The following CYTIP variants were observed in gnomAD, a reference collection of about 807,000 sequenced individuals.
The protein encoded by CYTIP is cytohesin 1 interacting protein.
Under a neutral mutation model 43.8 loss-of-function variants are expected in CYTIP, and 26 were observed. The observed-to-expected ratio is 0.59, with a 90% CI of 0.44 to 0.82. The LOEUF (loss-of-function observed/expected upper bound fraction) is 0.82. Among genes scored for constraint, CYTIP ranks in the 40% least tolerant of loss-of-function variants. The probability of loss-of-function intolerance (pLI) is 0.00; values close to 1 mark genes in which losing one functional copy is unlikely to be tolerated. For missense variants in CYTIP, 426 were observed against 443.1 expected, an observed-to-expected ratio of 0.96 and a Z score of 0.35; for synonymous variants, 162 against 162.9, an observed-to-expected ratio of 0.99 and a Z score of 0.04.
intron 6 of CYTIP, among the ~76,000 whole-genome samples, chr2:157,420,073 C>T (rs936353348): frequency 6.6e-6 from 1 of 152,340 alleles, no homozygotes; most frequent in Non-Finnish European, 1.5e-5. Context: ...CAGTGGCTTA[C>T]GCCTGTAATC....
In CYTIP at chr2:157,415,837, T is replaced by G; in HGVS notation, c.920A>C (p.Asn307Thr). 1 of 1,614,208 alleles carries G rather than the reference T, an allele frequency of 6.2e-7. No homozygotes were observed. Among genetic ancestry groups the G allele is most frequent in the Non-Finnish European group, 8.5e-7 (1 of 1,180,020 alleles). The change falls in exon 8 of 8, where the codon AAC (asparagine) becomes ACC (threonine). Residue 307 changes from asparagine (N) to threonine (T), a missense_variant. Transcript: ENST00000264192. ...GGGAGACATGGATCCGCTGCTGGTGTTACTGATGCTCCGGTTCCTCCTTGA... is the reference window on the plus strand; with the variant it reads ...GGGAGACATGGATCCGCTGCTGGTGGTACTGATGCTCCGGTTCCTCCTTGA... ...SSSRRNRSIS[N>T]TSSGSMSPLW...
intron 1 of CYTIP, among the ~76,000 whole-genome samples, chr2:157,443,002 T>A (rs549193991): frequency 2.0e-4 from 31 of 152,190 alleles, no homozygotes; most frequent in Non-Finnish European, 3.5e-4. Context: ...TAAAAAAAAA[T>A]TTTTACATGT....
intron 1 of CYTIP, among the ~76,000 whole-genome samples, chr2:157,441,090 CTAA>C (rs10549896): frequency 0.98 from 148,683 of 152,226 alleles, 72,610 homozygotes; most frequent in Middle Eastern, 1. Flanking sequence ...ATTCTGAAGA[CTAA>C]TAATTTGAAA....
In CYTIP at chr2:157,415,836, G is replaced by A; in HGVS notation, c.921C>T (p.Asn307=). 6.2e-7 allele frequency: 1 copy of A among 1,614,214 alleles called. No individual in the cohort carries two copies. The highest frequency in any genetic ancestry group is 8.5e-7 in the Non-Finnish European group (1 of 1,180,034). Residue 307 remains asparagine (N), a synonymous_variant, in exon 8 of 8, where the codon AAC becomes AAT. Transcript: ENST00000264192. ...SSSRRNRSIS[N]TSSGSMSPLW... is the part of the protein sequence containing the mutation. Reference sequence around the variant, plus strand: ...AGGGAGACATGGATCCGCTGCTGGTGTTACTGATGCTCCGGTTCCTCCTTG... The same window carrying A: ...AGGGAGACATGGATCCGCTGCTGGTATTACTGATGCTCCGGTTCCTCCTTG...
intron 6 of CYTIP, among the ~76,000 whole-genome samples, chr2:157,423,640 A>C (rs1201046875): frequency 6.6e-6 from 1 of 152,004 alleles, no homozygotes; most frequent in African/African-American, 2.4e-5. Context: ...CTAAGAGTCT[A>C]GTAAACTTGA....
chr2:157,424,137 A>C (rs1481556978), intron 6 of CYTIP, among the ~76,000 whole-genome samples: 1 of 152,178 alleles, frequency 6.6e-6, no homozygotes, highest in Non-Finnish European at 1.5e-5. Context: ...CAAAGTAAGA[A>C]AAAGAACCAA....
intron 6 of CYTIP, among the ~76,000 whole-genome samples, chr2:157,423,302 G>A (rs537500188): frequency 9.1e-4 from 135 of 147,786 alleles, no homozygotes; most frequent in Non-Finnish European, 1.2e-3. Context: ...GAGTTATCAA[G>A]AAAAAAAAAG....
Position 157,415,767 on chromosome 2 carries a change from C to T in CYTIP, c.990G>A (p.Arg330=). The change falls in exon 8 of 8, where the codon CGG becomes CGA. Residue 330 remains arginine (R), a synonymous_variant. Coordinates refer to ENST00000264192, the MANE Select transcript of CYTIP (RefSeq NM_004288.5). ...TTCGGACACTTCCCTTTCTGCTCTTCCGGGGCAGGGTCCCAAACATGCTTG... is the reference window on the plus strand; with the variant it reads ...TTCGGACACTTCCCTTTCTGCTCTTTCGGGGCAGGGTCCCAAACATGCTTG... ...NLSSMFGTLP[R]KSRKGSVRKQ... is the part of the protein sequence containing the mutation. 2 of 1,614,192 alleles carry T rather than the reference C, an allele frequency of 1.2e-6. No homozygotes were observed. The highest frequency in any genetic ancestry group is 2.2e-5 in the South Asian group (2 of 91,088).
At chr2:157,434,839 TCTCTCTCTCTCACACACACACACACACA>T in intron 1 of CYTIP, 92 bp from the exon 2 acceptor site, 1 of 470,470 alleles carries the variant, frequency 2.1e-6, no homozygotes, top group South Asian at 2.0e-5. Context: ...TCTCTCTCTC[TCTCTCTCTCTCACACACACACACACACA>T]CACACACACA....
rs769331872 is a variant in CYTIP at position 157,415,899 on chromosome 2, G to C, written c.858C>G (p.Ile286Met). 2 of 1,614,162 alleles carry C rather than the reference G, an allele frequency of 1.2e-6. No individual in the cohort carries two copies. The highest frequency in any genetic ancestry group is 1.7e-6 in the Non-Finnish European group (2 of 1,180,024). The change falls in exon 8 of 8, where the codon ATC becomes ATG. Residue 286 changes from isoleucine to methionine, a missense_variant. By Grantham distance (10) the Ile-to-Met change is conservative. Transcript: ENST00000264192. ...RQTSTDDECFIPKEGDDFLRR... is the reference protein window; with the variant it reads ...RQTSTDDECFMPKEGDDFLRR... ...TCAGAAAATCATCCCCCTCCTTGGG[G>C]ATAAAGCACTCATCATCTGTACTCG...
chr2:157,427,025 C>T (rs1444022855), intron 6 of CYTIP, among the ~76,000 whole-genome samples: 1 of 152,104 alleles, frequency 6.6e-6, no homozygotes, highest in Non-Finnish European at 1.5e-5. Context: ...AAAATAATGA[C>T]CTTTTTTGTT....
At chr2:157,430,526 T>C (rs1685695604) in intron 5 of CYTIP, 33 bp downstream of exon 5, 3 of 1,576,042 alleles carry the variant, frequency 1.9e-6, no homozygotes, top group Non-Finnish European at 2.6e-6. Flanking sequence ...ACATAACATT[T>C]TGAAGCCCCA....
Position 157,415,479 on chromosome 2 carries a change from G to T in CYTIP, c.*198C>A. 1 of 530,378 alleles carries T rather than the reference G, an allele frequency of 1.9e-6. No individual in the cohort carries two copies. The highest frequency in any genetic ancestry group is 2.7e-5 in the South Asian group (1 of 36,516). 32.9% of individuals were successfully genotyped at this position (530,378 alleles called of 1,614,324 possible). A position where few individuals can be genotyped will look rare whatever the true frequency, so the allele number is the denominator to read the frequency against. ...AACTTATTATTTAGTTTTCCTGTCT[G>T]CTTAGAAATTGGCTGTTTAGGTTGA... On this transcript the variant is annotated 3_prime_UTR_variant, in exon 8 of 8. Coordinates refer to ENST00000264192, the MANE Select transcript of CYTIP (RefSeq NM_004288.5).
chr2:157,427,678 A>G (rs1365310721), intron 5 of CYTIP, among the ~76,000 whole-genome samples: 2 of 152,238 alleles, frequency 1.3e-5, no homozygotes, highest in African/African-American at 4.8e-5. Flanking sequence ...TTTGTAAACT[A>G]TAGCTTATTT....
chr2:157,437,246 C>G (rs1351072881), intron 1 of CYTIP, among the ~76,000 whole-genome samples: 1 of 151,662 alleles, frequency 6.6e-6, no homozygotes, highest in East Asian at 1.9e-4. Flanking sequence ...AGATTCTGCA[C>G]AGCAAACAAT....
At chr2:157,424,231 T>C (rs1337209563) in intron 6 of CYTIP, among the ~76,000 whole-genome samples, 1 of 152,162 alleles carries the variant, frequency 6.6e-6, no homozygotes, top group Non-Finnish European at 1.5e-5. Flanking sequence ...TTAGAATAGA[T>C]ATTACTATTC....
At chr2:157,435,720 T>A (rs528974452) in intron 1 of CYTIP, among the ~76,000 whole-genome samples, 1 of 152,316 alleles carries the variant, frequency 6.6e-6, no homozygotes, top group East Asian at 1.9e-4. Flanking sequence ...TAACCCATGG[T>A]TTTTAATTGT....
At chr2:157,419,282 C>T (rs1484778707) in intron 6 of CYTIP, among the ~76,000 whole-genome samples, 4 of 152,102 alleles carry the variant, frequency 2.6e-5, no homozygotes, top group Non-Finnish European at 5.9e-5. Flanking sequence ...CGTGAGGCAC[C>T]GTGCCTGGCT....
chr2:157,429,919 A>G (rs1420088627), intron 5 of CYTIP, among the ~76,000 whole-genome samples: 1 of 149,906 alleles, frequency 6.7e-6, no homozygotes, highest in Non-Finnish European at 1.5e-5. Context: ...GCTACTAGGG[A>G]GGCTGAGGCA....
Sources: gnomAD v4.1 joint callset for allele counts (sites outside exome capture counted in the v4.1 genomes callset) on GRCh38, gnomAD v4.1.1 for gene constraint, MANE v1.5 for transcripts, NCBI Gene and HGNC (gene_info 2026-07-23, HGNC 2026-07-21) for gene names.